The following CD101 variants were observed in gnomAD, a reference collection of about 807,000 sequenced individuals.
CD101 encodes CD101 molecule.
CD101 carries 76 observed loss-of-function variants against 98.2 expected under a neutral mutation model. The observed-to-expected ratio is 0.77, with a 90% confidence interval of 0.64 to 0.94. CD101 has a LOEUF of 0.94. Ranked by LOEUF, CD101 falls within the 40% of genes least tolerant of loss-of-function variation. The probability of loss-of-function intolerance (pLI) is 0.00; values close to 1 mark genes in which losing one functional copy is unlikely to be tolerated. For missense variants in CD101, 1,145 were observed against 1,218.8 expected, an observed-to-expected ratio of 0.94 and a Z score of 0.90; for synonymous variants, 471 against 472.7, an observed-to-expected ratio of 1.00 and a Z score of 0.05.
At position 117,025,568 on chromosome 1, in the gene CD101, G is replaced by A; in HGVS notation, c.2488G>A (p.Val830Met). The change falls in exon 8 of 10, where the codon GTG (valine) becomes ATG (methionine). Residue 830 changes from valine to methionine, a missense_variant. By Grantham distance (21) the Val-to-Met change is conservative (BLOSUM62 1). Coordinates refer to ENST00000682167, the MANE Select transcript of CD101 (RefSeq NM_001256106.3). ...WTENVTEHRE[V>M]AIRCSLESVG... ...CGAAAATGTGACTGAGCACAGAGAA[G>A]TGGCCATCCGCTGCAGCCTGGAGAG... The A allele has an allele frequency of 6.2e-7, 1 of 1,611,770 alleles. No homozygotes were observed. The highest frequency in any genetic ancestry group is 8.5e-7 in the Non-Finnish European group (1 of 1,179,136).
At position 117,022,970 on chromosome 1, in the gene CD101, C is replaced by G. The variant is rs934155270; in HGVS notation, c.2428+987C>G. Among the ~76,000 whole-genome samples, 8 of 152,196 alleles carry G rather than the reference C, an allele frequency of 5.3e-5. No individual in the cohort carries two copies. The highest frequency in any genetic ancestry group is 1.7e-4 in the African/African-American group (7 of 41,444). On this transcript the variant is annotated intron_variant, in intron 7 of 9. Transcript: ENST00000682167. This position sits in a 1 kb window ranked among gnomAD's most constrained non-coding sequence, Gnocchi z 4.8. ...GATAGATCCTGGGCCTGTTTTGCTTCTTATTCTCTGCTTTCCTCAGAATTT... is the reference window on the plus strand; with the variant it reads ...GATAGATCCTGGGCCTGTTTTGCTTGTTATTCTCTGCTTTCCTCAGAATTT...
chr1:117,035,796 C>T (rs904421454), intron 9 of CD101, among the ~76,000 whole-genome samples: 2 of 152,198 alleles, frequency 1.3e-5, no homozygotes, highest in Non-Finnish European at 2.9e-5. Flanking sequence ...TCATGATCCA[C>T]CCGCCTCGGC....
Position 117,005,343 on chromosome 1 carries a change from G to T in CD101, c.43+3483G>T, listed in dbSNP as rs937490264. 6.6e-6 allele frequency among the ~76,000 whole-genome samples: 1 copy of T among 152,056 alleles called. No homozygotes were observed. The highest frequency in any genetic ancestry group is 1.5e-5 in the Non-Finnish European group (1 of 68,000). On this transcript the variant is annotated intron_variant, in intron 1 of 9. Coordinates refer to ENST00000682167, the MANE Select transcript of CD101 (RefSeq NM_001256106.3). The surrounding 1 kb of genome is among the most constrained non-coding windows in gnomAD (Gnocchi z 4.4). ...TTCCTTCTCCATGAAACTCCTGGAAGTAGGTTCCACTTCCTGCAGTCACTT... is the reference window on the plus strand; with the variant it reads ...TTCCTTCTCCATGAAACTCCTGGAATTAGGTTCCACTTCCTGCAGTCACTT...
At chr1:117,009,766 A>G in intron 1 of CD101, 84 bp from the exon 2 acceptor site, 6 of 1,394,524 alleles carry the variant, frequency 4.3e-6, no homozygotes, top group Non-Finnish European at 5.8e-6. Flanking sequence ...CCAGAATTGT[A>G]ATACAGGGAA....
At chr1:117,001,884 T>A in intron 1 of CD101, 24 bp downstream of exon 1, 1 of 1,612,672 alleles carries the variant, frequency 6.2e-7, no homozygotes, top group Non-Finnish European at 8.5e-7. Context: ...TCCTTTATGT[T>A]TCTCTTGTCA....
At chr1:117,009,391 C>T (rs1202320726) in intron 1 of CD101, among the ~76,000 whole-genome samples, 1 of 152,268 alleles carries the variant, frequency 6.6e-6, no homozygotes, top group African/African-American at 2.4e-5. Flanking sequence ...CTAGAAAAAT[C>T]ATGGCACCAA....
Position 117,010,753 on chromosome 1 carries a change from A to G in CD101, c.424+523A>G, listed in dbSNP as rs541995949. Among the ~76,000 whole-genome samples, 3 of 152,284 alleles carry G rather than the reference A, an allele frequency of 2.0e-5. No individual in the cohort carries two copies. Among genetic ancestry groups the G allele is most frequent in the African/African-American group, 7.2e-5 (3 of 41,554 alleles). On this transcript the variant is annotated intron_variant, in intron 2 of 9. Transcript: ENST00000682167. The surrounding 1 kb of genome is among the most constrained non-coding windows in gnomAD (Gnocchi z 5.2). ...TTTTCAGCTTAACAAACTCCTACAT[A>G]TACTTCAGGACCCAGTTTAGATATT...
At chr1:117,017,505 T>C in intron 5 of CD101, 32 bp downstream of exon 5, 2 of 1,569,876 alleles carry the variant, frequency 1.3e-6, no homozygotes, top group Non-Finnish European at 1.7e-6. Context: ...TTTCTGCACC[T>C]GTATATCACT....
intron 8 of CD101, among the ~76,000 whole-genome samples, chr1:117,029,502 T>G (rs1184968143): frequency 6.6e-6 from 1 of 152,194 alleles, no homozygotes; most frequent in African/African-American, 2.4e-5. Flanking sequence ...CTCAGAGACT[T>G]CCCTTATTCT....
At position 117,013,544 on chromosome 1, in the gene CD101, C is replaced by T. The variant is rs781230367; in HGVS notation, c.980C>T (p.Ala327Val). The change falls in exon 4 of 10, where the codon GCT becomes GTT. Residue 327 changes from alanine to valine, a missense_variant. Transcript: ENST00000682167. ...GIWFFNGTEI[A>V]HIDAGGVLGL... ...TGGTTCTTCAATGGGACTGAAATTG[C>T]TCACATTGATGCTGGTGGAGTCCTG... The T allele has an allele frequency of 6.2e-7, 1 of 1,614,190 alleles. No individual in the cohort carries two copies. Among genetic ancestry groups the T allele is most frequent in the Non-Finnish European group, 8.5e-7 (1 of 1,180,030 alleles).
At chr1:117,003,821 C>T (rs1359003811) in intron 1 of CD101, among the ~76,000 whole-genome samples, 1 of 152,114 alleles carries the variant, frequency 6.6e-6, no homozygotes, top group Non-Finnish European at 1.5e-5. Flanking sequence ...TGTAGAAGCA[C>T]AGTTTTTATG....
At chr1:117,031,292 T>C (rs1376041347) in intron 8 of CD101, among the ~76,000 whole-genome samples, 1 of 152,164 alleles carries the variant, frequency 6.6e-6, no homozygotes, top group African/African-American at 2.4e-5. Flanking sequence ...TGTTCCTTCA[T>C]GCTGAAAAGC....
rs1570736073 is a variant in CD101, at chr1:117,024,454, G to A, written c.2429-1055G>A. 2.0e-5 allele frequency among the ~76,000 whole-genome samples: 3 copies of A among 152,096 alleles called. No homozygotes were observed. The East Asian group carries it at 5.8e-4, about 30-fold the overall frequency. On this transcript the variant is annotated intron_variant, in intron 7 of 9. Coordinates refer to ENST00000682167, the MANE Select transcript of CD101 (RefSeq NM_001256106.3). ...ATTGTGCCACTGCACTCTAGCCTGG[G>A]CGACAGAGCGAGACTCCGTCTCAAA...
Position 117,022,881 on chromosome 1 carries a change from G to A in CD101, c.2428+898G>A, listed in dbSNP as rs1459113987. On this transcript the variant is annotated intron_variant, in intron 7 of 9. Transcript: ENST00000682167. The surrounding 1 kb of genome is among the most constrained non-coding windows in gnomAD (Gnocchi z 4.8). ...GGTTTGGGGTCTCTTCCTGCCCTCT[G>A]GCTTCCCTTCTGTATGTTCTTCAAG... Among the ~76,000 whole-genome samples, 1 of 152,176 alleles carries A rather than the reference G, an allele frequency of 6.6e-6. No individual in the cohort carries two copies. The highest frequency in any genetic ancestry group is 1.5e-5 in the Non-Finnish European group (1 of 68,032).
chr1:117,013,414 T>A lies in CD101; in HGVS notation c.850T>A (p.Phe284Ile). The A allele has an allele frequency of 6.2e-7, 1 of 1,604,204 alleles. No individual in the cohort carries two copies. Among genetic ancestry groups the A allele is most frequent in the Non-Finnish European group, 8.5e-7 (1 of 1,173,376 alleles). ...TLRIQPAVKD[F>I]QVNITADSLF... ...TTGCTTTTGTTTCCCAGTGAAAGAT[T>A]TTCAAGTCAACATTACAGCTGACAG... The change falls in exon 4 of 10, where the codon TTT (phenylalanine) becomes ATT (isoleucine). Residue 284 changes from phenylalanine (F) to isoleucine (I), a missense_variant. By Grantham distance (21) the Phe-to-Ile change is conservative. Transcript: ENST00000682167.
chr1:117,028,334 T>A (rs1197864931), intron 8 of CD101, among the ~76,000 whole-genome samples: 1 of 152,138 alleles, frequency 6.6e-6, no homozygotes, highest in Non-Finnish European at 1.5e-5. Context: ...GAATTAAGGA[T>A]TAACATTTGG....
In CD101 at chr1:117,010,053, G is replaced by C; in HGVS notation, c.247G>C (p.Ala83Pro). The change falls in exon 2 of 10, where the codon GCA (alanine) becomes CCA (proline). Residue 83 changes from alanine to proline, a missense_variant. Ala to Pro is a conservative substitution (Grantham distance 27). Transcript: ENST00000682167. The surrounding 1 kb of genome is among the most constrained non-coding windows in gnomAD (Gnocchi z 5.2). ...CACCAAGGATGCTGCCTTCTCTTAC[G>C]CAGTATATACGCAGCGGGTGCGAAG... ...ISTKDAAFSY[A>P]VYTQRVRSGD... is the part of the protein sequence containing the mutation. 1.2e-6 allele frequency: 2 copies of C among 1,614,190 alleles called. No homozygotes were observed. Among genetic ancestry groups the C allele is most frequent in the Non-Finnish European group, 1.7e-6 (2 of 1,180,038 alleles).
At position 117,036,140 on chromosome 1, in the gene CD101, C is replaced by T. The variant is rs1654811270; in HGVS notation, c.*34-28C>T. 1 of 152,266 alleles carries T rather than the reference C, an allele frequency of 6.6e-6. No individual in the cohort carries two copies. Among genetic ancestry groups the T allele is most frequent in the Non-Finnish European group, 1.5e-5 (1 of 68,120 alleles). The allele number at this position is 152,266 out of a possible 1,614,324, so 9.4% of individuals were successfully genotyped here. ...TCTCCTGGGAAAGCAGACATTTAACCAACTTGAGCAATCAGCTTGTTTTAC... is the reference window on the plus strand; with the variant it reads ...TCTCCTGGGAAAGCAGACATTTAACTAACTTGAGCAATCAGCTTGTTTTAC... On this transcript the variant is annotated intron_variant, in intron 9 of 9. Coordinates refer to ENST00000682167, the MANE Select transcript of CD101 (RefSeq NM_001256106.3). The surrounding 1 kb of genome is among the most constrained non-coding windows in gnomAD (Gnocchi z 5.0).
chr1:117,031,710 A>C (rs1355166532), intron 8 of CD101, among the ~76,000 whole-genome samples: 1 of 152,226 alleles, frequency 6.6e-6, no homozygotes, highest in African/African-American at 2.4e-5. Flanking sequence ...ACTTCGTTAG[A>C]TGCTTTATTA....
Sources: gnomAD v4.1 joint callset for allele counts (sites outside exome capture counted in the v4.1 genomes callset) on GRCh38, gnomAD v4.1.1 for gene constraint, Gnocchi (gnomAD v3.1) non-coding constraint, MANE v1.5 for transcripts, NCBI Gene and HGNC (gene_info 2026-07-23, HGNC 2026-07-21) for gene names.